The following DCP1B variants were observed in gnomAD, a reference collection of about 807,000 sequenced individuals.
DCP1B encodes decapping mRNA 1B.
Under a neutral mutation model 60.5 loss-of-function variants are expected in DCP1B, and 47 were observed. That is an observed-to-expected ratio of 0.78 (90% confidence interval 0.61 to 0.99). The LOEUF (loss-of-function observed/expected upper bound fraction) is 0.99, where lower values mean the gene tolerates loss of function less well. Among genes scored for constraint, DCP1B ranks in the 50% least tolerant of loss-of-function variants. The pLI is 0.00. For synonymous variants in DCP1B, 267 were observed against 280.3 expected (o/e 0.95, Z 0.47); for missense variants, 725 against 756.8 (o/e 0.96, Z 0.49).
rs569966277 is a variant in DCP1B, at chr12:1,993,210, A to T, written c.319+54T>A. 45 of 1,613,160 alleles carry T rather than the reference A, an allele frequency of 2.8e-5. No individual in the cohort carries two copies. In the South Asian group the frequency reaches 4.6e-4, roughly 17 times the overall value. On this transcript the variant is annotated intron_variant, in intron 3 of 8. Transcript: ENST00000280665. ...AATGGCAAACACTGTACAATTTTAA[A>T]CACTTGGCCAAACTTCAGAAGTAAA... is the stretch of plus-strand genomic sequence containing the variant.
chr12:1,961,467 A>G (rs745546450), intron 5 of DCP1B: 2 of 152,246 alleles, frequency 1.3e-5, no homozygotes, highest in East Asian at 1.9e-4. Flanking sequence ...TTACGCATAA[A>G]ACAACATGTA....
chr12:1,946,734 C>G (rs2030438736), intron 8 of DCP1B, among the ~76,000 whole-genome samples: 1 of 152,192 alleles, frequency 6.6e-6, no homozygotes, highest in Non-Finnish European at 1.5e-5. Flanking sequence ...GGGTCTCACT[C>G]TGTCACCCAA....
At chr12:1,986,180 G>T (rs967520127) in intron 3 of DCP1B, among the ~76,000 whole-genome samples, 1 of 152,326 alleles carries the variant, frequency 6.6e-6, no homozygotes, top group African/African-American at 2.4e-5. Context: ...TGGAATAATG[G>T]TTTATATTGT....
chr12:1,963,246 A>G (rs2031185082), intron 5 of DCP1B, among the ~76,000 whole-genome samples: 1 of 152,194 alleles, frequency 6.6e-6, no homozygotes, highest in South Asian at 2.1e-4. Flanking sequence ...AACCTTTCCC[A>G]TAACATTAAT....
Position 1,946,064 on chromosome 12 carries a change from G to A in DCP1B, c.*142C>T. On this transcript the variant is annotated 3_prime_UTR_variant, in exon 9 of 9. Coordinates refer to ENST00000280665, the MANE Select transcript of DCP1B (RefSeq NM_152640.5). ...AAAAAACACTTGAGTATAAAAAAAA[G>A]TCTGAAACATTTTACTTCATATTAC... 1.7e-6 allele frequency: 1 copy of A among 596,038 alleles called. No homozygotes were observed. The highest frequency in any genetic ancestry group is 2.8e-6 in the Non-Finnish European group (1 of 360,426). The allele number at this position is 596,038 out of a possible 1,614,324, so 36.9% of individuals were successfully genotyped here.
intron 6 of DCP1B, among the ~76,000 whole-genome samples, chr12:1,954,343 T>C (rs1292619803): frequency 2.0e-5 from 3 of 152,278 alleles, no homozygotes; most frequent in South Asian, 4.1e-4. Context: ...AAATTCAATA[T>C]AAGATTTTCA....
intron 7 of DCP1B, among the ~76,000 whole-genome samples, chr12:1,951,365 C>G (rs2030663511): frequency 6.6e-6 from 1 of 152,144 alleles, no homozygotes; most frequent in Non-Finnish European, 1.5e-5. Flanking sequence ...ATTTTTAAAC[C>G]CAATGTACTT....
intron 3 of DCP1B, among the ~76,000 whole-genome samples, chr12:1,969,092 A>T (rs536289089): frequency 1.3e-5 from 2 of 152,206 alleles, no homozygotes; most frequent in African/African-American, 4.8e-5. Context: ...ATGAAAACCA[A>T]CAAAACATGT....
At chr12:1,975,814 T>C (rs1010025413) in intron 3 of DCP1B, among the ~76,000 whole-genome samples, 1 of 152,174 alleles carries the variant, frequency 6.6e-6, no homozygotes, top group Non-Finnish European at 1.5e-5. Context: ...GCATGTCAGA[T>C]TGTTAAGTTA....
chr12:1,947,606 T>C (rs568479773), intron 8 of DCP1B, among the ~76,000 whole-genome samples: 1 of 152,174 alleles, frequency 6.6e-6, no homozygotes, highest in Non-Finnish European at 1.5e-5. Flanking sequence ...AGAAAACATA[T>C]GGATCTTTTA....
intron 3 of DCP1B, among the ~76,000 whole-genome samples, chr12:1,985,936 A>G (rs1043716272): frequency 7.9e-5 from 12 of 151,904 alleles, no homozygotes; most frequent in African/African-American, 1.5e-4. Flanking sequence ...TCAGCCTCCC[A>G]AGTAGCTGGG....
intron 3 of DCP1B, among the ~76,000 whole-genome samples, chr12:1,988,183 C>T (rs2038344848): frequency 1.3e-5 from 2 of 152,178 alleles, no homozygotes; most frequent in Admixed American, 1.3e-4. Context: ...CTTACAATGA[C>T]ACAGGTTTAT....
At chr12:1,978,911 C>T (rs2035252066) in intron 3 of DCP1B, among the ~76,000 whole-genome samples, 1 of 152,032 alleles carries the variant, frequency 6.6e-6, no homozygotes, top group Non-Finnish European at 1.5e-5. Flanking sequence ...TATTATATAC[C>T]AAAATTTGTT....
chr12:1,989,377 A>G (rs964245515), intron 3 of DCP1B, among the ~76,000 whole-genome samples: 3 of 151,734 alleles, frequency 2.0e-5, no homozygotes, highest in African/African-American at 7.3e-5. Flanking sequence ...GCAGGAGCAG[A>G]GCAAAGAGAA....
intron 1 of DCP1B, 154 bp downstream of exon 1, chr12:2,004,128 C>T: frequency 9.1e-7 from 1 of 1,093,214 alleles, no homozygotes; most frequent in South Asian, 1.5e-5. Context: ...CCCCCGAGAC[C>T]CCATCTCCAC....
intron 1 of DCP1B, among the ~76,000 whole-genome samples, chr12:2,000,622 A>C (rs1228977120): frequency 6.6e-6 from 1 of 152,234 alleles, no homozygotes; most frequent in Non-Finnish European, 1.5e-5. Context: ...AAAGAATATG[A>C]GTTTGTTCAT....
chr12:1,990,982 G>C, intron 3 of DCP1B: 1 of 323,880 alleles, frequency 3.1e-6, no homozygotes, highest in Non-Finnish European at 5.7e-6. Flanking sequence ...AGATAGAAAG[G>C]ACAAAAAAAA....
intron 3 of DCP1B, among the ~76,000 whole-genome samples, chr12:1,980,142 A>G (rs1278112934): frequency 2.6e-5 from 4 of 152,196 alleles, no homozygotes; most frequent in Non-Finnish European, 5.9e-5. Context: ...AGGCATACAT[A>G]TCCACCTAAA....
intron 1 of DCP1B, among the ~76,000 whole-genome samples, chr12:2,002,865 T>C (rs1463208500): frequency 6.6e-6 from 1 of 152,172 alleles, no homozygotes; most frequent in Admixed American, 6.5e-5. Flanking sequence ...TGTTGCTCAA[T>C]GTTCTTTATG....
Sources: allele counts gnomAD v4.1 joint callset (sites outside exome capture counted in the v4.1 genomes callset), GRCh38; gene constraint gnomAD v4.1.1; transcripts MANE v1.5; gene names NCBI Gene and HGNC (gene_info 2026-07-23, HGNC 2026-07-21).